The following ZNF790 variants were observed in gnomAD, a reference collection of about 807,000 sequenced individuals.
ZNF790 encodes zinc finger protein 790.
ZNF790 carries 8 observed loss-of-function variants against 12.1 expected under a neutral mutation model. The observed-to-expected ratio is 0.66, with a 90% CI of 0.39 to 1.19. The LOEUF is 1.19. Ranked by LOEUF, ZNF790 falls within the 50% of genes most tolerant of loss-of-function variation. The pLI is 0.01. For synonymous variants in ZNF790, 252 were observed against 244.3 expected (o/e 1.03, Z -0.29); for missense variants, 707 against 752.2 (o/e 0.94, Z 0.70).
intron 1 of ZNF790, among the ~76,000 whole-genome samples, chr19:36,847,999 C>T (rs2072195869): frequency 6.6e-6 from 1 of 152,142 alleles, no homozygotes; most frequent in African/African-American, 2.4e-5. Flanking sequence ...ACTTCCCAGC[C>T]TCCAGAACTG....
chr19:36,819,849 T>C lies in ZNF790; in HGVS notation c.495A>G (p.Thr165=), dbSNP rs1310980114. Residue 165 remains threonine, a synonymous_variant, in exon 5 of 5, where the codon ACA becomes ACG. Transcript: ENST00000356725. ...CTTTAAATTCATTCAGTTTGTCTCC[T>C]GTATTAAGTCTCTGGTGTAGATTAA... ...TVFNLHQRLN[T]GDKLNEFKEL... The C allele has an allele frequency of 1.5e-5, 24 of 1,614,008 alleles. No homozygotes were observed. The East Asian group carries it at 4.7e-4, about 31-fold the overall frequency.
chr19:36,827,306 A>C (rs1180978186), intron 1 of ZNF790, among the ~76,000 whole-genome samples: 2 of 151,658 alleles, frequency 1.3e-5, no homozygotes, highest in Non-Finnish European at 2.9e-5. Flanking sequence ...CCTGGGCTCC[A>C]CAGTCGGCCA....
At position 36,818,384 on chromosome 19, in the gene ZNF790, C is replaced by T. The variant is rs1325002770; in HGVS notation, c.*49G>A. ...CTCAAGAGAAAAAAATAAATGACATCAATTAATGAGTCATGAATAAAGCCC... is the reference window on the plus strand; with the variant it reads ...CTCAAGAGAAAAAAATAAATGACATTAATTAATGAGTCATGAATAAAGCCC... On this transcript the variant is annotated 3_prime_UTR_variant, in exon 5 of 5. Coordinates refer to ENST00000356725, the MANE Select transcript of ZNF790 (RefSeq NM_206894.4). 6.9e-7 allele frequency: 1 copy of T among 1,451,344 alleles called. No individual in the cohort carries two copies. The highest frequency in any genetic ancestry group is 1.7e-5 in the South Asian group (1 of 60,184). 89.9% of individuals were successfully genotyped at this position (1,451,344 alleles called of 1,614,324 possible). A position where few individuals can be genotyped will look rare whatever the true frequency, so the allele number is the denominator to read the frequency against.
intron 1 of ZNF790, among the ~76,000 whole-genome samples, chr19:36,843,435 A>T (rs1389141091): frequency 6.6e-6 from 1 of 152,186 alleles, no homozygotes; most frequent in African/African-American, 2.4e-5. Flanking sequence ...TGGTGAACAC[A>T]CCAGATCCTC....
chr19:36,825,652 T>C lies in ZNF790; in HGVS notation c.-33A>G. On this transcript the variant is annotated 5_prime_UTR_variant, in exon 2 of 5. Transcript: ENST00000356725. ...CATTCCAAGTCCACCAGTCCTTCTCTGGATTCTTTCTTGGTGAGGCAGCGT... is the reference window on the plus strand; with the variant it reads ...CATTCCAAGTCCACCAGTCCTTCTCCGGATTCTTTCTTGGTGAGGCAGCGT... 1 of 1,613,842 alleles carries C rather than the reference T, an allele frequency of 6.2e-7. No homozygotes were observed. Among genetic ancestry groups the C allele is most frequent in the Non-Finnish European group, 8.5e-7 (1 of 1,179,696 alleles).
Position 36,825,701 on chromosome 19 carries a change from A to G in ZNF790, c.-73-9T>C. On this transcript the variant is annotated splice_polypyrimidine_tract_variant and intron_variant, in intron 1 of 4. Coordinates refer to ENST00000356725, the MANE Select transcript of ZNF790 (RefSeq NM_206894.4). ...GTGCTGGGAAAGCAGAGCTAGAAGG[A>G]AAGAATCACAAGGTCAGGCCTTTCT... 3 of 1,473,810 alleles carry G rather than the reference A, an allele frequency of 2.0e-6. No homozygotes were observed. The highest frequency in any genetic ancestry group is 2.9e-6 in the Non-Finnish European group (3 of 1,052,026). 91.3% of individuals were successfully genotyped at this position (1,473,810 alleles called of 1,614,324 possible). A position where few individuals can be genotyped will look rare whatever the true frequency, so the allele number is the denominator to read the frequency against.
At position 36,819,560 on chromosome 19, in the gene ZNF790, C is replaced by T. The variant is rs1427741506; in HGVS notation, c.784G>A (p.Ala262Thr). The change falls in exon 5 of 5, where the codon GCC becomes ACC. Residue 262 changes from alanine (A) to threonine (T), a missense_variant. Coordinates refer to ENST00000356725, the MANE Select transcript of ZNF790 (RefSeq NM_206894.4). The stretch of plus-strand genomic sequence containing the variant: ...CTAAGTTGTGAATGAAATCTAAAGG[C>T]TTTCCCACAATCCTTACATTTAAAA... ...KPFKCKDCGK[A>T]FRFHSQLSVH... 6.2e-7 allele frequency: 1 copy of T among 1,612,308 alleles called. No individual in the cohort carries two copies. The highest frequency in any genetic ancestry group is 8.5e-7 in the Non-Finnish European group (1 of 1,179,044).
chr19:36,835,379 G>T (rs991645578), intron 1 of ZNF790, among the ~76,000 whole-genome samples: 17 of 152,210 alleles, frequency 1.1e-4, no homozygotes, highest in African/African-American at 3.9e-4. Flanking sequence ...AGACTGACCA[G>T]ATGTTAGATC....
intron 1 of ZNF790, among the ~76,000 whole-genome samples, chr19:36,833,761 C>T (rs1485777973): frequency 6.6e-6 from 1 of 152,032 alleles, no homozygotes. Context: ...TCATGATTTC[C>T]CCTCACGACA....
chr19:36,832,137 T>A (rs1051011808), intron 1 of ZNF790, among the ~76,000 whole-genome samples: 6 of 152,180 alleles, frequency 3.9e-5, no homozygotes, highest in Admixed American at 2.0e-4. Flanking sequence ...ACTGTTGACA[T>A]GCGCTGTTTC....
intron 1 of ZNF790, among the ~76,000 whole-genome samples, chr19:36,845,295 G>A (rs1226100748): frequency 2.0e-5 from 3 of 151,410 alleles, no homozygotes; most frequent in Admixed American, 6.6e-5. Flanking sequence ...GCACACCTGC[G>A]GTTCCAGCTA....
At chr19:36,831,591 G>A (rs1057471042) in intron 1 of ZNF790, among the ~76,000 whole-genome samples, 8 of 152,096 alleles carry the variant, frequency 5.3e-5, no homozygotes, top group African/African-American at 9.7e-5. Context: ...GCCACAGAAA[G>A]TATAGTATGG....
At chr19:36,840,701 C>T (rs1347000859), upstream of ZNF790, among the ~76,000 whole-genome samples, 1 of 152,182 alleles carries the variant, frequency 6.6e-6, no homozygotes, top group African/African-American at 2.4e-5. Context: ...AGACTAACCT[C>T]GCATATCAGG....
Position 36,838,358 on chromosome 19 carries a change from G to A in ZNF790, c.-95C>T, listed in dbSNP as rs1034358668. On this transcript the variant is annotated 5_prime_UTR_variant, in exon 1 of 5. Coordinates refer to ENST00000356725, the MANE Select transcript of ZNF790 (RefSeq NM_206894.4). The surrounding 1 kb of genome is among the most constrained non-coding windows in gnomAD (Gnocchi z 4.4). Reference sequence around the variant, plus strand: ...TCACCCGGCCCTGCGGTCCCTTGATGGTGGAAGGTTCCGCGATCTTTCTAT... The same window carrying A: ...TCACCCGGCCCTGCGGTCCCTTGATAGTGGAAGGTTCCGCGATCTTTCTAT... 1.3e-5 allele frequency: 2 copies of A among 152,336 alleles called. No homozygotes were observed. The highest frequency in any genetic ancestry group is 4.8e-5 in the African/African-American group (2 of 41,470). The allele number at this position is 152,336 out of a possible 1,614,324, so 9.4% of individuals were successfully genotyped here.
intron 1 of ZNF790, among the ~76,000 whole-genome samples, chr19:36,826,880 C>A (rs1215265026): frequency 2.0e-5 from 3 of 149,716 alleles, no homozygotes; most frequent in Admixed American, 2.0e-4. Flanking sequence ...CTTCAGCTGA[C>A]TCTTGAGGGG....
intron 4 of ZNF790, among the ~76,000 whole-genome samples, chr19:36,822,108 A>G (rs1327065298): frequency 1.3e-5 from 2 of 152,186 alleles, no homozygotes; most frequent in Admixed American, 1.3e-4. Context: ...AAGAGACAAT[A>G]TATTCTTGTT....
In ZNF790 at chr19:36,818,454, AG is replaced by A. The variant is rs748080697; in HGVS notation, c.1889del (p.Ser630PhefsTer23). ...KDFEKAFSSS[S>X]HFISLL is the part of the protein sequence containing the mutation. ...TATTTCACAAGAGTGAAATGAAGTG[AG>A]AGCTTGAAGAAAATGCTTTCTCAAA... On this transcript the variant is annotated frameshift_variant, in exon 5 of 5. Coordinates refer to ENST00000356725, the MANE Select transcript of ZNF790 (RefSeq NM_206894.4). LOFTEE classifies it low-confidence loss of function (END_TRUNC). 1 of 1,558,554 alleles carries A rather than the reference AG, an allele frequency of 6.4e-7. No individual in the cohort carries two copies. The highest frequency in any genetic ancestry group is 8.7e-7 in the Non-Finnish European group (1 of 1,149,634).
intron 1 of ZNF790, among the ~76,000 whole-genome samples, chr19:36,848,439 G>GT (rs2072200464): frequency 6.6e-6 from 1 of 151,904 alleles, no homozygotes; most frequent in Admixed American, 6.6e-5. Flanking sequence ...TCTTTTTTCT[G>GT]TTTTTTAGGA....
chr19:36,820,067 T>G lies in ZNF790; in HGVS notation c.277A>C (p.Ile93Leu). ...AATTGGGCTATTTCTCTCTCAAAAA[T>G]GCCATTTTTTGGTAATAACTTCTTG... is the stretch of plus-strand genomic sequence containing the variant. ...QTKKLLPKNG[I>L]FEREIAQLEI... The change falls in exon 5 of 5, where the codon ATT becomes CTT. Residue 93 changes from isoleucine to leucine, a missense_variant. Physicochemically the swap from Ile to Leu is conservative, Grantham distance 5. Coordinates refer to ENST00000356725, the MANE Select transcript of ZNF790 (RefSeq NM_206894.4). The G allele has an allele frequency of 6.2e-7, 1 of 1,609,830 alleles. No individual in the cohort carries two copies. Among genetic ancestry groups the G allele is most frequent in the Non-Finnish European group, 8.5e-7 (1 of 1,179,902 alleles).
Sources: allele counts gnomAD v4.1 joint callset (sites outside exome capture counted in the v4.1 genomes callset), GRCh38; gene constraint gnomAD v4.1.1; non-coding constraint Gnocchi (gnomAD v3.1); transcripts MANE v1.5; gene names NCBI Gene and HGNC (gene_info 2026-07-23, HGNC 2026-07-21).